PAK1: variants seen among roughly 807,000 people sequenced by gnomAD.
PAK1 encodes the protein serine/threonine-protein kinase PAK 1.
PAK1 carries 29 observed loss-of-function variants against 67.4 expected under a neutral mutation model. That is an observed-to-expected ratio of 0.43 (90% CI 0.32 to 0.59). The LOEUF (loss-of-function observed/expected upper bound fraction) is 0.59, where lower values mean the gene tolerates loss of function less well. Among genes scored for constraint, PAK1 ranks in the 20% least tolerant of loss-of-function variants. The probability of loss-of-function intolerance (pLI) is 0.07; values close to 1 mark genes in which losing one functional copy is unlikely to be tolerated. For missense variants in PAK1, 337 were observed against 670.7 expected (o/e 0.50, Z 5.50); for synonymous variants, 223 against 237.4 (o/e 0.94, Z 0.56).
intron 1 of PAK1, among the ~76,000 whole-genome samples, chr11:77,469,016 C>T (rs769970189): frequency 9.9e-5 from 15 of 151,972 alleles, no homozygotes; most frequent in African/African-American, 3.4e-4. Flanking sequence ...TAAATGTAAA[C>T]GAATGTAAAT....
chr11:77,503,677 AC>A, the PAK1 span, among the ~76,000 whole-genome samples: 2 of 152,194 alleles, frequency 1.3e-5, no homozygotes, highest in Non-Finnish European at 2.9e-5. Flanking sequence ...AACCTGGCCA[AC>A]AAAATGAGAT....
chr11:77,480,005 GT>G, the PAK1 span, among the ~76,000 whole-genome samples: 1 of 152,130 alleles, frequency 6.6e-6, no homozygotes, highest in Non-Finnish European at 1.5e-5. Flanking sequence ...AGAGAAGTAA[GT>G]TTTTTAAAGC....
In PAK1 at chr11:77,323,049, G is replaced by A. The variant is rs1938758984; in HGVS notation, c.*225C>T. The A allele has an allele frequency of 2.6e-6, 2 of 783,514 alleles. No individual in the cohort carries two copies. The highest frequency in any genetic ancestry group is 4.3e-6 in the Non-Finnish European group (2 of 461,354). The allele number at this position is 783,514 out of a possible 1,614,324, so 48.5% of individuals were successfully genotyped here. On this transcript the variant is annotated 3_prime_UTR_variant, in exon 15 of 15. Coordinates refer to ENST00000356341, the MANE Select transcript of PAK1 (RefSeq NM_002576.5). ...AACCACCCTCATATCCATGAATTGG[G>A]AGGAAATTCCTTATTTAGAAATGGC...
At chr11:77,490,147 T>C in the PAK1 span, among the ~76,000 whole-genome samples, 1 of 145,730 alleles carries the variant, frequency 6.9e-6, no homozygotes, top group Admixed American at 6.8e-5. Flanking sequence ...GGCCGCCCCG[T>C]CTGAGAAGTG....
the PAK1 span, among the ~76,000 whole-genome samples, chr11:77,489,931 C>T: frequency 6.6e-6 from 1 of 151,598 alleles, no homozygotes; most frequent in Non-Finnish European, 1.5e-5. Context: ...TGTGAGGAGC[C>T]CCTCTGCCCA....
chr11:77,439,522 C>T (rs1445922333), intron 1 of PAK1, among the ~76,000 whole-genome samples: 1 of 152,132 alleles, frequency 6.6e-6, no homozygotes, highest in Non-Finnish European at 1.5e-5. Flanking sequence ...GTGTTAGATG[C>T]CCCTAAAGGG....
intron 1 of PAK1, among the ~76,000 whole-genome samples, chr11:77,429,138 T>C (rs1450743727): frequency 8.3e-6 from 1 of 120,634 alleles, no homozygotes; most frequent in Non-Finnish European, 1.6e-5. Context: ...ATAGAGAAAG[T>C]ACAGGATGAA....
chr11:77,343,614 T>C (rs923949155), intron 10 of PAK1, among the ~76,000 whole-genome samples: 1 of 152,048 alleles, frequency 6.6e-6, no homozygotes, highest in Non-Finnish European at 1.5e-5. Context: ...AGCTACACGG[T>C]GGTAGAGTTC....
intron 5 of PAK1, among the ~76,000 whole-genome samples, chr11:77,371,986 T>G (rs1948496992): frequency 6.6e-6 from 1 of 152,232 alleles, no homozygotes; most frequent in Non-Finnish European, 1.5e-5. Flanking sequence ...TAAACTGAGA[T>G]TCACAAGACT....
At chr11:77,404,166 A>T (rs2137796281) in intron 1 of PAK1, among the ~76,000 whole-genome samples, 1 of 152,336 alleles carries the variant, frequency 6.6e-6, no homozygotes, top group Non-Finnish European at 1.5e-5. Flanking sequence ...GCAACACAAA[A>T]TAGGCTAAGA....
At chr11:77,393,154 G>C (rs772604518) in intron 1 of PAK1, among the ~76,000 whole-genome samples, 10 of 151,636 alleles carry the variant, frequency 6.6e-5, no homozygotes, top group Non-Finnish European at 1.5e-4. Flanking sequence ...TTGCAACAGA[G>C]ATTGTATGTC....
At chr11:77,456,731 T>A (rs993488890) in intron 1 of PAK1, among the ~76,000 whole-genome samples, 11 of 151,996 alleles carry the variant, frequency 7.2e-5, no homozygotes, top group Non-Finnish European at 1.6e-4. Context: ...GGTACAATTA[T>A]TATTATTTGG....
rs1942881596 is a variant in PAK1, at chr11:77,337,427, T to C, written c.1117-4A>G. On this transcript the variant is annotated splice_region_variant and splice_polypyrimidine_tract_variant and intron_variant, in intron 11 of 14. Transcript: ENST00000356341. Reference sequence around the variant, plus strand: ...AGAACTCCAGAGCCTGCAGACACTATTGAAGTGGTGTGGGCAGGGGGAGAA... The same window carrying C: ...AGAACTCCAGAGCCTGCAGACACTACTGAAGTGGTGTGGGCAGGGGGAGAA... 4 of 1,555,124 alleles carry C rather than the reference T, an allele frequency of 2.6e-6. No individual in the cohort carries two copies. The highest frequency in any genetic ancestry group is 3.5e-6 in the Non-Finnish European group (4 of 1,127,554).
rs144591050 is a variant in PAK1, at chr11:77,401,049, C to T, written c.-21-8508G>A. Among the ~76,000 whole-genome samples, 803 of 152,282 alleles carry T rather than the reference C, an allele frequency of 5.3e-3. 3 individuals carry two copies. Among genetic ancestry groups the T allele is most frequent in the Non-Finnish European group, 8.1e-3 (550 of 68,014 alleles). On this transcript the variant is annotated intron_variant, in intron 1 of 14. Transcript: ENST00000356341. ...GAGGCAAAGGAAAGGAATAGATAAC[C>T]TCTAATATTAACTCGAGAAGAAGAA...
chr11:77,409,099 T>C (rs1565680507), intron 1 of PAK1, among the ~76,000 whole-genome samples: 1 of 139,228 alleles, frequency 7.2e-6, no homozygotes, highest in Non-Finnish European at 1.6e-5. Flanking sequence ...ACCACACTTC[T>C]AAAAAAAAAA....
intron 1 of PAK1, among the ~76,000 whole-genome samples, chr11:77,400,188 A>G (rs1952482610): frequency 6.6e-6 from 1 of 152,136 alleles, no homozygotes; most frequent in African/African-American, 2.4e-5. Context: ...TTTCATGGAG[A>G]AAGATGATGG....
chr11:77,403,490 C>T (rs75409546), intron 1 of PAK1, among the ~76,000 whole-genome samples: 6,282 of 152,266 alleles, frequency 0.041, 432 homozygotes, highest in African/African-American at 0.14. Context: ...CAGAGACAAC[C>T]TTGCTCAAGA....
the PAK1 span, among the ~76,000 whole-genome samples, chr11:77,512,998 G>T: frequency 6.6e-6 from 1 of 152,192 alleles, no homozygotes; most frequent in African/African-American, 2.4e-5. Context: ...GGAAGCTGAG[G>T]TGGGAGGATG....
chr11:77,368,331 A>G (rs1163396204), intron 5 of PAK1, among the ~76,000 whole-genome samples: 1 of 152,230 alleles, frequency 6.6e-6, no homozygotes, highest in Non-Finnish European at 1.5e-5. Context: ...ATTCTGATGA[A>G]AAAATATGTG....
Sources: gnomAD v4.1 joint callset for allele counts (sites outside exome capture counted in the v4.1 genomes callset) on GRCh38, gnomAD v4.1.1 for gene constraint, MANE v1.5 for transcripts, NCBI Gene and HGNC (gene_info 2026-07-23, HGNC 2026-07-21) for gene names.